ARID3A: variants seen among roughly 807,000 people sequenced by gnomAD.
ARID3A encodes AT-rich interaction domain 3A, also known as AT-rich interactive domain-containing protein 3A.
Under a neutral mutation model 52.7 loss-of-function variants are expected in ARID3A, and 11 were observed. The ratio of observed to expected loss-of-function variants is 0.21; its 90% CI spans 0.13 to 0.35. The LOEUF (loss-of-function observed/expected upper bound fraction) is 0.35. Ranked by LOEUF, ARID3A falls within the 10% of genes least tolerant of loss-of-function variation. ARID3A has a pLI of 1.00. For missense variants in ARID3A, 721 were observed against 838.5 expected (o/e 0.86, Z 1.73); for synonymous variants, 404 against 359.4 (o/e 1.12, Z -1.40).
intron 3 of ARID3A, among the ~76,000 whole-genome samples, chr19:946,037 C>T (rs2037671730): frequency 6.6e-6 from 1 of 152,050 alleles, no homozygotes; most frequent in Admixed American, 6.6e-5. Context: ...GCCCATTTCT[C>T]AGCAGGGAAA....
chr19:963,945 CG>C (rs1218515051), intron 4 of ARID3A, among the ~76,000 whole-genome samples: 3 of 152,182 alleles, frequency 2.0e-5, no homozygotes, highest in East Asian at 3.8e-4. Context: ...AACAAAGATC[CG>C]GGCGTCTCCC....
intron 3 of ARID3A, chr19:958,208 C>A (rs576270321): frequency 1.3e-5 from 2 of 151,414 alleles, no homozygotes; most frequent in Non-Finnish European, 2.9e-5. Flanking sequence ...CTGAGGCAGT[C>A]GGATCACGAG....
rs975541775 is a variant in ARID3A, at chr19:959,598, G to A, written c.694-494G>A. ...AGTTGGTTTTGGACTTCTGGGCTCC[G>A]GGACCGCGGGAGAATAGATTTCTGT... On this transcript the variant is annotated intron_variant, in intron 3 of 8. Transcript: ENST00000263620. The surrounding 1 kb of genome is among the most constrained non-coding windows in gnomAD (Gnocchi z 5.0). Among the ~76,000 whole-genome samples the A allele has an allele frequency of 3.9e-5, 6 of 152,140 alleles. No individual in the cohort carries two copies. The highest frequency in any genetic ancestry group is 6.6e-5 in the Admixed American group (1 of 15,252).
intron 3 of ARID3A, among the ~76,000 whole-genome samples, chr19:937,429 C>T (rs933104397): frequency 6.6e-6 from 1 of 152,118 alleles, no homozygotes; most frequent in Non-Finnish European, 1.5e-5. Flanking sequence ...ATGGATGTGC[C>T]GTATTGTGTT....
chr19:929,468 C>A lies in ARID3A; in HGVS notation c.-61C>A, dbSNP rs931509505. On this transcript the variant is annotated 5_prime_UTR_variant, in exon 2 of 9. Coordinates refer to ENST00000263620, the MANE Select transcript of ARID3A (RefSeq NM_005224.3). This position sits in a 1 kb window ranked among gnomAD's most constrained non-coding sequence, Gnocchi z 6.2. ...CCCCGCAGGGGCCGCCCCCGCCGCC[C>A]ACCCCTAGCGCCCGTGGTGGTGGTG... is the stretch of plus-strand genomic sequence containing the variant. The A allele has an allele frequency of 2.3e-5, 33 of 1,436,164 alleles. 1 individual carries two copies. In the Middle Eastern group the frequency reaches 7.6e-4, roughly 33 times the overall value. 89.0% of individuals were successfully genotyped at this position (1,436,164 alleles called of 1,614,324 possible).
intron 3 of ARID3A, among the ~76,000 whole-genome samples, chr19:933,070 T>G (rs350148): frequency 0.76 from 114,976 of 152,124 alleles, 43,712 homozygotes; most frequent in African/African-American, 0.85. Flanking sequence ...CGAGCTGGGC[T>G]TGGGTTGGAG....
chr19:944,745 C>T lies in ARID3A; in HGVS notation c.693+12003C>T, dbSNP rs2037640962. Among the ~76,000 whole-genome samples the T allele has an allele frequency of 6.6e-6, 1 of 152,160 alleles. No homozygotes were observed. Among genetic ancestry groups the T allele is most frequent in the African/African-American group, 2.4e-5 (1 of 41,446 alleles). On this transcript the variant is annotated intron_variant, in intron 3 of 8. Transcript: ENST00000263620. This position sits in a 1 kb window ranked among gnomAD's most constrained non-coding sequence, Gnocchi z 5.9. ...GGCTCCGGTGATCTTCCCGTGTCAG[C>T]CTCCTGAGTAGCTGGGACCACAGAC...
Position 959,149 on chromosome 19 carries a change from A to T in ARID3A, c.694-943A>T, listed in dbSNP as rs1021360423. 6.6e-6 allele frequency among the ~76,000 whole-genome samples: 1 copy of T among 152,238 alleles called. No individual in the cohort carries two copies. The highest frequency in any genetic ancestry group is 1.5e-5 in the Non-Finnish European group (1 of 68,042). ...TTATCAGGACGCATCCTGCACGAAG[A>T]CAGAGGCAGAGGCTGGAGCGACGCG... is the stretch of plus-strand genomic sequence containing the variant. On this transcript the variant is annotated intron_variant, in intron 3 of 8. Transcript: ENST00000263620. This position sits in a 1 kb window ranked among gnomAD's most constrained non-coding sequence, Gnocchi z 5.0.
At chr19:934,225 C>T (rs2037393894) in intron 3 of ARID3A, among the ~76,000 whole-genome samples, 1 of 152,164 alleles carries the variant, frequency 6.6e-6, no homozygotes, top group African/African-American at 2.4e-5. Context: ...GCCCCCCATT[C>T]AGTCGGTCCT....
intron 4 of ARID3A, among the ~76,000 whole-genome samples, chr19:962,215 CCAGA>C (rs1483893190): frequency 6.6e-6 from 1 of 152,168 alleles, no homozygotes; most frequent in Non-Finnish European, 1.5e-5. Flanking sequence ...CTCCTTCACT[CCAGA>C]CAGAGAGAAA....
intron 3 of ARID3A, among the ~76,000 whole-genome samples, chr19:933,596 G>A (rs1363614581): frequency 1.3e-5 from 2 of 152,156 alleles, no homozygotes; most frequent in African/African-American, 4.8e-5. Context: ...CTGCCTCGGG[G>A]CAGCCCCTTC....
intron 4 of ARID3A, among the ~76,000 whole-genome samples, chr19:962,272 C>A (rs998894854): frequency 6.6e-6 from 1 of 152,020 alleles, no homozygotes; most frequent in African/African-American, 2.4e-5. Flanking sequence ...AAAACTCTAA[C>A]TAAATTTCTC....
In ARID3A at chr19:960,818, T is replaced by A. The variant is rs1019300965; in HGVS notation, c.766+654T>A. Among the ~76,000 whole-genome samples the A allele has an allele frequency of 6.6e-6, 1 of 152,118 alleles. No homozygotes were observed. The highest frequency in any genetic ancestry group is 1.5e-5 in the Non-Finnish European group (1 of 68,024). ...TGGGCACCAACGGTATACCAGGCTC[T>A]GTGCCCCCAAAGTCTCCTGGCCTAG... On this transcript the variant is annotated intron_variant, in intron 4 of 8. Transcript: ENST00000263620. The surrounding 1 kb of genome is among the most constrained non-coding windows in gnomAD (Gnocchi z 4.3).
In ARID3A at chr19:959,393, C is replaced by T. The variant is rs1227750862; in HGVS notation, c.694-699C>T. On this transcript the variant is annotated intron_variant, in intron 3 of 8. Transcript: ENST00000263620. This position sits in a 1 kb window ranked among gnomAD's most constrained non-coding sequence, Gnocchi z 5.0. ...GGCTCAAGCAATCCTCCCACCTCAGCCTCCCGAGTAGCCGGGACTGTAGGC... is the reference window on the plus strand; with the variant it reads ...GGCTCAAGCAATCCTCCCACCTCAGTCTCCCGAGTAGCCGGGACTGTAGGC... Among the ~76,000 whole-genome samples the T allele has an allele frequency of 6.6e-6, 1 of 152,192 alleles. No homozygotes were observed. Among genetic ancestry groups the T allele is most frequent in the Admixed American group, 6.5e-5 (1 of 15,274 alleles).
rs1178435729 is a variant in ARID3A, at chr19:960,334, C to T, written c.766+170C>T. ...AGGGGTGTCTTGGGGGGAAACACAT[C>T]CTGCCATGGAGGTTTGACGCGGGAG... is the stretch of plus-strand genomic sequence containing the variant. On this transcript the variant is annotated intron_variant, in intron 4 of 8. Transcript: ENST00000263620. This position sits in a 1 kb window ranked among gnomAD's most constrained non-coding sequence, Gnocchi z 4.3. Among the ~76,000 whole-genome samples the T allele has an allele frequency of 6.6e-6, 1 of 152,090 alleles. No individual in the cohort carries two copies.
rs978931033 is a variant in ARID3A at position 964,032 on chromosome 19, G to A, written c.767-216G>A. ...AGCCCAGGTTACTGGTGGATAAACCGAGGCAGAGCTGCCCCCTCTGCACCC... is the reference window on the plus strand; with the variant it reads ...AGCCCAGGTTACTGGTGGATAAACCAAGGCAGAGCTGCCCCCTCTGCACCC... On this transcript the variant is annotated intron_variant, in intron 4 of 8. Coordinates refer to ENST00000263620, the MANE Select transcript of ARID3A (RefSeq NM_005224.3). The surrounding 1 kb of genome is among the most constrained non-coding windows in gnomAD (Gnocchi z 5.7). Among the ~76,000 whole-genome samples the A allele has an allele frequency of 2.0e-5, 3 of 152,192 alleles. No homozygotes were observed. Among genetic ancestry groups the A allele is most frequent in the Non-Finnish European group, 4.4e-5 (3 of 68,032 alleles).
chr19:946,314 T>G (rs973083732), intron 3 of ARID3A, among the ~76,000 whole-genome samples: 2 of 152,090 alleles, frequency 1.3e-5, no homozygotes, highest in African/African-American at 4.8e-5. Context: ...CAGGCTGGAG[T>G]GCAGTGGTGC....
chr19:943,641 C>A (rs1056405758), intron 3 of ARID3A, among the ~76,000 whole-genome samples: 1 of 152,124 alleles, frequency 6.6e-6, no homozygotes, highest in African/African-American at 2.4e-5. Context: ...GAGACAGAGG[C>A]AGAGGCTGGA....
At position 973,104 on chromosome 19, in the gene ARID3A, ATTTTT is replaced by A. The variant is rs56404084; in HGVS notation, c.*1056_*1060del. 64 of 53,678 alleles carry A rather than the reference ATTTTT, an allele frequency of 1.2e-3. 6 individuals are homozygous for A. The highest frequency in any genetic ancestry group is 1.5e-3 in the Non-Finnish European group (43 of 29,062). 3.3% of individuals were successfully genotyped at this position (53,678 alleles called of 1,614,324 possible). A position where few individuals can be genotyped will look rare whatever the true frequency, so the allele number is the denominator to read the frequency against. ...GGGCTCTCGAGTCAGGGGCCTGGAA[ATTTTT>A]TTTTTTTTTTTTTTTTGAGACGGAG... On this transcript the variant is annotated 3_prime_UTR_variant, in exon 9 of 9. Coordinates refer to ENST00000263620, the MANE Select transcript of ARID3A (RefSeq NM_005224.3).
Sources: gnomAD v4.1 joint callset for allele counts (sites outside exome capture counted in the v4.1 genomes callset) on GRCh38, gnomAD v4.1.1 for gene constraint, Gnocchi (gnomAD v3.1) non-coding constraint, MANE v1.5 for transcripts, NCBI Gene and HGNC (gene_info 2026-07-23, HGNC 2026-07-21) for gene names.